Variants in TYW1 observed in about 807,000 individuals in gnomAD.
TYW1 encodes tRNA-yW synthesizing protein 1 homolog.
A neutral mutation model predicts 96.2 loss-of-function variants in TYW1; 46 were observed. The observed-to-expected ratio is 0.48, with a 90% CI of 0.38 to 0.61. The LOEUF (loss-of-function observed/expected upper bound fraction) is 0.61. Ranked by LOEUF, TYW1 falls within the 20% of genes least tolerant of loss-of-function variation. The probability of loss-of-function intolerance (pLI) is 0.00; values close to 1 mark genes in which losing one functional copy is unlikely to be tolerated. For missense variants in TYW1, 684 were observed against 909.6 expected, an observed-to-expected ratio of 0.75 and a Z score of 3.19; for synonymous variants, 274 against 323.0, an observed-to-expected ratio of 0.85 and a Z score of 1.63.
At position 67,014,516 on chromosome 7, in the gene TYW1, G is replaced by A. The variant is rs143691852; in HGVS notation, c.525G>A (p.Ala175=). 86 of 1,613,732 alleles carry A rather than the reference G, an allele frequency of 5.3e-5. No homozygotes were observed. In the African/African-American group the frequency reaches 6.3e-4, roughly 12 times the overall value. ...GKTYLKGMRY[A]VFGLGNSAYA... ...CTTACCTGAAGGGTATGAGATATGC[G>A]GTATTTGGCCTGGGAAATTCTGCCT... The change falls in exon 5 of 16, where the codon GCG becomes GCA. Residue 175 remains alanine (A), a synonymous_variant. Coordinates refer to ENST00000359626, the MANE Select transcript of TYW1 (RefSeq NM_018264.4).
At chr7:67,213,680 C>G (rs1303156766) in intron 15 of TYW1, among the ~76,000 whole-genome samples, 1 of 152,168 alleles carries the variant, frequency 6.6e-6, no homozygotes, top group Non-Finnish European at 1.5e-5. Flanking sequence ...GTCTGTGATC[C>G]ATTTTGAAAG....
intron 11 of TYW1, among the ~76,000 whole-genome samples, chr7:67,091,943 G>T (rs972484297): frequency 6.6e-6 from 1 of 152,110 alleles, no homozygotes; most frequent in African/African-American, 2.4e-5. Context: ...TGGTGTCTTT[G>T]CTTCTAGGTT....
intron 10 of TYW1, among the ~76,000 whole-genome samples, chr7:67,078,687 C>G (rs1563000885): frequency 6.6e-6 from 1 of 151,680 alleles, no homozygotes; most frequent in Non-Finnish European, 1.5e-5. Context: ...ATGAAATTTT[C>G]TTTTTTTTCT....
chr7:67,058,619 C>G (rs1795603245), intron 9 of TYW1, among the ~76,000 whole-genome samples: 1 of 152,082 alleles, frequency 6.6e-6, no homozygotes, highest in Non-Finnish European at 1.5e-5. Flanking sequence ...AAGTAGTGTG[C>G]CACCATGCCT....
chr7:67,064,530 G>C (rs1795799154), intron 9 of TYW1, among the ~76,000 whole-genome samples: 1 of 152,180 alleles, frequency 6.6e-6, no homozygotes, highest in African/African-American at 2.4e-5. Context: ...CACATGGCTG[G>C]GGAGGCCTCA....
chr7:67,231,370 T>C (rs1321197186), intron 15 of TYW1, among the ~76,000 whole-genome samples: 5 of 152,140 alleles, frequency 3.3e-5, no homozygotes, highest in African/African-American at 1.2e-4. Context: ...ACAGCTGTTA[T>C]CCTGGGATCA....
At chr7:67,186,283 T>TC (rs68120749) in intron 14 of TYW1, among the ~76,000 whole-genome samples, 12,926 of 54,210 alleles carry the variant, frequency 0.24, 1,466 homozygotes, top group Middle Eastern at 0.4. Context: ...GCCCCACCTC[T>TC]CCCCCCTCCT....
At chr7:66,997,192 A>G (rs1274769734) in intron 1 of TYW1, among the ~76,000 whole-genome samples, 2 of 152,218 alleles carry the variant, frequency 1.3e-5, no homozygotes, top group African/African-American at 4.8e-5. Flanking sequence ...GTTAGACAGA[A>G]AACTACCCCT....
chr7:67,135,302 G>GTTTTTGTTTTTTTT (rs1285318169), intron 13 of TYW1, among the ~76,000 whole-genome samples: 1 of 111,816 alleles, frequency 8.9e-6, no homozygotes, highest in African/African-American at 3.8e-5. Context: ...TGTTAAAACA[G>GTTTTTGTTTTTTTT]TTTTTTTTTT....
At chr7:67,157,376 C>T (rs1799016230) in intron 13 of TYW1, among the ~76,000 whole-genome samples, 1 of 152,276 alleles carries the variant, frequency 6.6e-6, no homozygotes. Flanking sequence ...ACCTCTGCCT[C>T]GTGGGTTCAA....
intron 15 of TYW1, among the ~76,000 whole-genome samples, chr7:67,228,881 T>C (rs1365223483): frequency 6.6e-6 from 1 of 152,234 alleles, no homozygotes; most frequent in Non-Finnish European, 1.5e-5. Context: ...ATTTCCCGTA[T>C]AGATGAGTCT....
intron 10 of TYW1, among the ~76,000 whole-genome samples, chr7:67,078,216 C>T (rs1360919451): frequency 1.3e-5 from 2 of 152,062 alleles, no homozygotes; most frequent in Non-Finnish European, 2.9e-5. Context: ...CTGCCTCAGC[C>T]TCCCGAGTAA....
At chr7:67,036,576 G>A (rs1269014816) in intron 7 of TYW1, among the ~76,000 whole-genome samples, 2 of 152,200 alleles carry the variant, frequency 1.3e-5, no homozygotes, top group Non-Finnish European at 2.9e-5. Flanking sequence ...CCCCTTGCTG[G>A]GGCCAGGCTC....
chr7:67,089,191 C>T lies in TYW1; in HGVS notation c.1384+5652C>T, dbSNP rs1025785074. The T allele has an allele frequency of 3.4e-5, 26 of 756,264 alleles. No homozygotes were observed. The Admixed American group carries it at 5.1e-4, about 15-fold the overall frequency. 46.8% of individuals were successfully genotyped at this position (756,264 alleles called of 1,614,324 possible). ...GCCCCACAACCCCTCCCTCGCCACC[C>T]CTTTCCCCCTTATATATTTATAATC... On this transcript the variant is annotated intron_variant, in intron 11 of 15. Transcript: ENST00000359626.
chr7:67,058,565 C>T (rs1187409721), intron 9 of TYW1, among the ~76,000 whole-genome samples: 2 of 152,064 alleles, frequency 1.3e-5, no homozygotes, highest in African/African-American at 4.8e-5. Flanking sequence ...TCACTGCAGC[C>T]TCCCACCTCC....
intron 7 of TYW1, among the ~76,000 whole-genome samples, chr7:67,044,784 TAATTTTTGTATTTTTAGTA>T (rs1795136377): frequency 3.9e-5 from 6 of 152,070 alleles, no homozygotes; most frequent in Admixed American, 3.9e-4. Context: ...CATGCCCGGC[TAATTTTTGTATTTTTAGTA>T]GAGATGGGGT....
intron 13 of TYW1, among the ~76,000 whole-genome samples, chr7:67,129,470 A>G (rs1797998588): frequency 1.3e-5 from 2 of 152,112 alleles, no homozygotes; most frequent in Non-Finnish European, 2.9e-5. Context: ...TCCCTGTGTT[A>G]GCGCTGGTCT....
chr7:67,071,847 C>T (rs1416314797), intron 10 of TYW1, among the ~76,000 whole-genome samples: 2 of 152,154 alleles, frequency 1.3e-5, no homozygotes, highest in Admixed American at 6.5e-5. Flanking sequence ...GTCTCAAACT[C>T]CTGGCCTCAA....
At chr7:67,052,201 A>C (rs1280751193) in intron 8 of TYW1, among the ~76,000 whole-genome samples, 2 of 152,134 alleles carry the variant, frequency 1.3e-5, no homozygotes, top group Non-Finnish European at 2.9e-5. Flanking sequence ...GTCTTCATGA[A>C]ATTCGGACAA....
Sources: allele counts gnomAD v4.1 joint callset (sites outside exome capture counted in the v4.1 genomes callset), GRCh38; gene constraint gnomAD v4.1.1; transcripts MANE v1.5; gene names NCBI Gene and HGNC (gene_info 2026-07-23, HGNC 2026-07-21).